OTOS: variants seen among roughly 807,000 people sequenced by gnomAD.
OTOS encodes the protein otospiralin.
OTOS carries 14 observed loss-of-function variants against 12.5 expected under a neutral mutation model. That is an observed-to-expected ratio of 1.12 (90% CI 0.74 to 1.76). The LOEUF is 1.76. Ranked by LOEUF, OTOS falls within the 40% of genes most tolerant of loss-of-function variation. OTOS has a pLI of 0.00. For synonymous variants in OTOS, 49 were observed against 47.6 expected (o/e 1.03, Z -0.12); for missense variants, 141 against 112.8 (o/e 1.25, Z -1.13).
chr2:240,140,133 T>A (rs1290180200), intron 2 of OTOS, 45 bp from the exon 3 acceptor site: 1 of 1,610,600 alleles, frequency 6.2e-7, no homozygotes, highest in East Asian at 2.2e-5. Flanking sequence ...ACCACCCAGG[T>A]GCCGGTTGGG....
rs373389206 is a variant in OTOS, at chr2:240,140,132, G to T, written c.59-44C>A. ...GCTGTCACCCAGGAGGACCACCCAG[G>T]TGCCGGTTGGGCCCACCCGACACCA... On this transcript the variant is annotated intron_variant, in intron 2 of 3. Transcript: ENST00000319460. The T allele has an allele frequency of 1.6e-5, 25 of 1,610,558 alleles. No homozygotes were observed. The African/African-American group carries it at 2.9e-4, about 19-fold the overall frequency.
In OTOS at chr2:240,140,554, G is replaced by A. The variant is rs1044125659; in HGVS notation, c.-119+66C>T. The A allele has an allele frequency of 2.0e-5, 11 of 552,850 alleles. No homozygotes were observed. The South Asian group carries it at 2.5e-4, about 13-fold the overall frequency. The allele number at this position is 552,850 out of a possible 1,614,324, so 34.2% of individuals were successfully genotyped here. A position where few individuals can be genotyped will look rare whatever the true frequency, so the allele number is the denominator to read the frequency against. On this transcript the variant is annotated intron_variant, in intron 1 of 3. Coordinates refer to ENST00000319460, the MANE Select transcript of OTOS (RefSeq NM_148961.4). ...GGAGGTGAAATCCCTGCCTCAATTGGCCTTAATTCCCATGACTTAAGAAAT... is the reference window on the plus strand; with the variant it reads ...GGAGGTGAAATCCCTGCCTCAATTGACCTTAATTCCCATGACTTAAGAAAT...
intron 3 of OTOS, 122 bp downstream of exon 3, chr2:240,139,940 G>C: frequency 8.5e-7 from 1 of 1,171,824 alleles, no homozygotes; most frequent in South Asian, 1.5e-5. Context: ...TTGGGCCTGA[G>C]CTGAGCCAGG....
rs552453167 is a variant in OTOS at position 240,139,408 on chromosome 2, G to A, written c.86-54C>T. 5 of 1,546,126 alleles carry A rather than the reference G, an allele frequency of 3.2e-6. No homozygotes were observed. The African/African-American group carries it at 6.8e-5, about 21-fold the overall frequency. Reference sequence around the variant, plus strand: ...GGCTGTCCCCATGGTCCTGCCTGGAGACACCATCCTCAGAGGTCTCAAGGC... The same window carrying A: ...GGCTGTCCCCATGGTCCTGCCTGGAAACACCATCCTCAGAGGTCTCAAGGC... On this transcript the variant is annotated intron_variant, in intron 3 of 3. Transcript: ENST00000319460.
chr2:240,139,481 G>A (rs1382222038), intron 3 of OTOS, 127 bp from the exon 4 acceptor site: 5 of 948,820 alleles, frequency 5.3e-6, no homozygotes, highest in African/African-American at 1.7e-5. Context: ...CCTTCCCAGA[G>A]TGGGGGCCTG....
Position 240,140,307 on chromosome 2 carries a change from G to T in OTOS, c.20C>A (p.Pro7Gln), listed in dbSNP as rs35889242. 1.1e-5 allele frequency: 18 copies of T among 1,595,384 alleles called. No individual in the cohort carries two copies. In the African/African-American group the frequency reaches 2.4e-4, roughly 21 times the overall value. ...CAGTAGGAGGCAGAGGGCCAGCCCC[G>T]GCACCATGCAGGCCTGCATCTTCCC... is the stretch of plus-strand genomic sequence containing the variant. MQACMV[P>Q]GLALCLLLGP... The change falls in exon 2 of 4, where the codon CCG (proline) becomes CAG (glutamine). Residue 7 changes from proline to glutamine, a missense_variant. By Grantham distance (76) the Pro-to-Gln change is moderately conservative. Transcript: ENST00000319460.
chr2:240,139,106 A>C lies in OTOS; in HGVS notation c.*64T>G, dbSNP rs1447456049. ...GGGGCCAGGTTTTTGCGGGGACTCCATGCCTGTGGAGGCCCGACCGAGTGC... is the reference window on the plus strand; with the variant it reads ...GGGGCCAGGTTTTTGCGGGGACTCCCTGCCTGTGGAGGCCCGACCGAGTGC... On this transcript the variant is annotated 3_prime_UTR_variant, in exon 4 of 4. Coordinates refer to ENST00000319460, the MANE Select transcript of OTOS (RefSeq NM_148961.4). 1.3e-6 allele frequency: 2 copies of C among 1,554,640 alleles called. No individual in the cohort carries two copies. The highest frequency in any genetic ancestry group is 2.7e-5 in the African/African-American group (2 of 73,694).
intron 2 of OTOS, 64 bp from the exon 3 acceptor site, chr2:240,140,152 A>G: frequency 6.2e-7 from 1 of 1,605,094 alleles, no homozygotes; most frequent in Non-Finnish European, 8.5e-7. Flanking sequence ...GGCCCACCCG[A>G]CACCAGCTGC....
At position 240,139,122 on chromosome 2, in the gene OTOS, G is replaced by A. The variant is rs575594244; in HGVS notation, c.*48C>T. 13 of 1,583,216 alleles carry A rather than the reference G, an allele frequency of 8.2e-6. No individual in the cohort carries two copies. The highest frequency in any genetic ancestry group is 2.7e-5 in the African/African-American group (2 of 74,526). On this transcript the variant is annotated 3_prime_UTR_variant, in exon 4 of 4. Transcript: ENST00000319460. ...GGGGACTCCATGCCTGTGGAGGCCCGACCGAGTGCAGCCTGGCGGGGTGGG... is the reference window on the plus strand; with the variant it reads ...GGGGACTCCATGCCTGTGGAGGCCCAACCGAGTGCAGCCTGGCGGGGTGGG...
At chr2:240,140,466 TA>T (rs966525726) in intron 1 of OTOS, 22 bp from the exon 2 acceptor site, 2,520 of 756,144 alleles carry the variant, frequency 3.3e-3, no homozygotes, top group South Asian at 5.1e-3. Flanking sequence ...GGCATGGATT[TA>T]AAAAAAAAAT....
chr2:240,140,241 G>A (rs573931475), intron 2 of OTOS, 28 bp downstream of exon 2: 73 of 1,583,034 alleles, frequency 4.6e-5, no homozygotes, highest in African/African-American at 6.7e-5. Flanking sequence ...GGTCCTGGTG[G>A]CTGCCTCCCT....
At position 240,139,176 on chromosome 2, in the gene OTOS, C is replaced by G; in HGVS notation, c.264G>C (p.Glu88Asp). Residue 88 changes from glutamate to aspartate, a missense_variant, in exon 4 of 4, where the codon GAG becomes GAC. Physicochemically the swap from Glu to Asp is conservative, Grantham distance 45. Transcript: ENST00000319460. ...GCACCAGGCTGGACACCATTCAGTCCTCCTGATAGGGAACGTGGAAGCCCA... is the reference window on the plus strand; with the variant it reads ...GCACCAGGCTGGACACCATTCAGTCGTCCTGATAGGGAACGTGGAAGCCCA... ...STLGFHVPYQ[E>D]D 1 of 1,613,214 alleles carries G rather than the reference C, an allele frequency of 6.2e-7. No individual in the cohort carries two copies. The highest frequency in any genetic ancestry group is 1.1e-5 in the South Asian group (1 of 90,988).
chr2:240,139,941 C>A, intron 3 of OTOS, 121 bp downstream of exon 3: 2 of 1,190,018 alleles, frequency 1.7e-6, no homozygotes, highest in East Asian at 2.4e-5. Context: ...TGGGCCTGAG[C>A]TGAGCCAGGG....
At position 240,140,294 on chromosome 2, in the gene OTOS, G is replaced by A; in HGVS notation, c.33C>T (p.Leu11=). Residue 11 remains leucine, a synonymous_variant, in exon 2 of 4, where the codon CTC becomes CTT. Coordinates refer to ENST00000319460, the MANE Select transcript of OTOS (RefSeq NM_148961.4). MQACMVPGLA[L]CLLLGPLAGA... ...CTGCAAGAGGCCCCAGTAGGAGGCA[G>A]AGGGCCAGCCCCGGCACCATGCAGG... is the stretch of plus-strand genomic sequence containing the variant. The A allele has an allele frequency of 6.3e-7, 1 of 1,596,884 alleles. No homozygotes were observed. The highest frequency in any genetic ancestry group is 8.5e-7 in the Non-Finnish European group (1 of 1,171,668).
chr2:240,140,014 A>G, intron 3 of OTOS, 48 bp downstream of exon 3: 3 of 1,605,736 alleles, frequency 1.9e-6, no homozygotes, highest in South Asian at 1.1e-5. Context: ...TCCCCGCTGC[A>G]TACCAGTTAC....
At position 240,139,132 on chromosome 2, in the gene OTOS, A is replaced by G. The variant is rs776514281; in HGVS notation, c.*38T>C. On this transcript the variant is annotated 3_prime_UTR_variant, in exon 4 of 4. Coordinates refer to ENST00000319460, the MANE Select transcript of OTOS (RefSeq NM_148961.4). ...TGCCTGTGGAGGCCCGACCGAGTGCAGCCTGGCGGGGTGGGCGGGCACCAG... is the reference window on the plus strand; with the variant it reads ...TGCCTGTGGAGGCCCGACCGAGTGCGGCCTGGCGGGGTGGGCGGGCACCAG... The G allele has an allele frequency of 3.8e-6, 6 of 1,594,762 alleles. No individual in the cohort carries two copies. The Admixed American group carries it at 1.0e-4, about 27-fold the overall frequency.
intron 1 of OTOS, 78 bp downstream of exon 1, chr2:240,140,542 C>T (rs947178982): frequency 1.7e-5 from 10 of 571,618 alleles, no homozygotes; most frequent in East Asian, 3.0e-5. Context: ...GGTGAAATCC[C>T]TGCCTCAATT....
Position 240,139,252 on chromosome 2 carries a change from A to T in OTOS, c.188T>A (p.Ile63Asn), listed in dbSNP as rs1184288106. The change falls in exon 4 of 4, where the codon ATC becomes AAC. Residue 63 changes from isoleucine (I) to asparagine (N), a missense_variant. Ile to Asn is a moderately radical substitution (Grantham distance 149, BLOSUM62 -3). Coordinates refer to ENST00000319460, the MANE Select transcript of OTOS (RefSeq NM_148961.4). ...AAAGAAGGTTCGGGCCATGTCCTCG[A>T]TCTGGGGGTAGGCCCCCAGGGCCTG... is the stretch of plus-strand genomic sequence containing the variant. ...HFQALGAYPQIEDMARTFFAH... is the reference protein window; with the variant it reads ...HFQALGAYPQNEDMARTFFAH... 2 of 1,614,060 alleles carry T rather than the reference A, an allele frequency of 1.2e-6. No homozygotes were observed. The highest frequency in any genetic ancestry group is 1.3e-5 in the African/African-American group (1 of 74,948).
chr2:240,139,512 C>T (rs2072035524), intron 3 of OTOS, among the ~76,000 whole-genome samples, 158 bp from the exon 4 acceptor site: 1 of 151,928 alleles, frequency 6.6e-6, no homozygotes, highest in Non-Finnish European at 1.5e-5. Context: ...CTCTCAGATC[C>T]TTGGGGATAT....
Sources: allele counts gnomAD v4.1 joint callset (sites outside exome capture counted in the v4.1 genomes callset), GRCh38; gene constraint gnomAD v4.1.1; transcripts MANE v1.5; gene names NCBI Gene and HGNC (gene_info 2026-07-23, HGNC 2026-07-21).